Variants in DPYD observed in about 807,000 individuals in gnomAD.
The protein encoded by DPYD is dihydropyrimidine dehydrogenase [NADP(+)].
A neutral mutation model predicts 116.2 loss-of-function variants in DPYD; 109 were observed. The observed-to-expected ratio is 0.94, with a 90% CI of 0.80 to 1.10. The LOEUF (loss-of-function observed/expected upper bound fraction) is 1.10, where lower values mean the gene tolerates loss of function less well. DPYD is among the 50% of genes least tolerant of loss of function. The pLI is 0.00. For missense variants in DPYD, 1,302 were observed against 1,254.5 expected, an observed-to-expected ratio of 1.04 and a Z score of -0.57; for synonymous variants, 440 against 432.0, an observed-to-expected ratio of 1.02 and a Z score of -0.23.
chr1:97,402,028 T>C (rs1170561248), intron 14 of DPYD, among the ~76,000 whole-genome samples: 1 of 152,162 alleles, frequency 6.6e-6, no homozygotes, highest in Non-Finnish European at 1.5e-5. Context: ...TACTGTAGCT[T>C]TATAGTAAGT....
At chr1:97,505,462 A>T (rs1647256792) in intron 13 of DPYD, among the ~76,000 whole-genome samples, 1 of 151,722 alleles carries the variant, frequency 6.6e-6, no homozygotes, top group African/African-American at 2.4e-5. Flanking sequence ...AAAATAAAAT[A>T]TTGAAAATAA....
intron 2 of DPYD, among the ~76,000 whole-genome samples, chr1:97,865,048 CAGA>C: frequency 6.6e-6 from 1 of 151,670 alleles, no homozygotes; most frequent in East Asian, 1.9e-4. Flanking sequence ...AATATTGCTG[CAGA>C]AGGAGAGGGA....
chr1:97,521,306 A>C (rs146752206), intron 12 of DPYD, among the ~76,000 whole-genome samples: 2 of 152,290 alleles, frequency 1.3e-5, no homozygotes, highest in African/African-American at 4.8e-5. Flanking sequence ...GTGAACTCCT[A>C]TTCACAATTG....
At chr1:97,266,131 G>T (rs12044501) in intron 18 of DPYD, among the ~76,000 whole-genome samples, 9,313 of 152,140 alleles carry the variant, frequency 0.061, 656 homozygotes, top group African/African-American at 0.16. Context: ...ACAATAATTA[G>T]CTCATAATAT....
rs1400461278 is a variant in DPYD at position 97,747,694 on chromosome 1, A to C, written c.234-7215T>G. Among the ~76,000 whole-genome samples the C allele has an allele frequency of 2.0e-5, 3 of 152,190 alleles. No homozygotes were observed. In the East Asian group the frequency reaches 5.8e-4, roughly 29 times the overall value. ...TGCATGGACCCAGACTTTCGTGTATACTAATATTAAGTGCTCAAATGTGCT... is the reference window on the plus strand; with the variant it reads ...TGCATGGACCCAGACTTTCGTGTATCCTAATATTAAGTGCTCAAATGTGCT... On this transcript the variant is annotated intron_variant, in intron 3 of 22. Transcript: ENST00000370192.
At chr1:97,724,953 A>AGAG (rs1663152036) in intron 4 of DPYD, among the ~76,000 whole-genome samples, 78 of 118,916 alleles carry the variant, frequency 6.6e-4, no homozygotes, top group Middle Eastern at 9.2e-3. Flanking sequence ...GAGGGAAGGA[A>AGAG]AGAGAGAGAG....
intron 3 of DPYD, among the ~76,000 whole-genome samples, chr1:97,750,421 A>T (rs950733907): frequency 4.6e-5 from 7 of 152,132 alleles, no homozygotes; most frequent in African/African-American, 1.7e-4. Flanking sequence ...AAATATGTAA[A>T]CCCATCTTAG....
At chr1:97,869,120 A>C (rs17370884) in intron 2 of DPYD, among the ~76,000 whole-genome samples, 2,896 of 151,892 alleles carry the variant, frequency 0.019, 47 homozygotes, top group Non-Finnish European at 0.028. Context: ...ATTCCTGCTC[A>C]AACAGCCCAG....
At chr1:97,280,159 A>G (rs1027397964) in intron 18 of DPYD, 7 of 152,136 alleles carry the variant, frequency 4.6e-5, no homozygotes, top group African/African-American at 9.7e-5. Context: ...AATATCTCAC[A>G]CTTAAAAACT....
chr1:97,330,973 T>A (rs373814926), intron 16 of DPYD, among the ~76,000 whole-genome samples: 1 of 152,188 alleles, frequency 6.6e-6, no homozygotes, highest in South Asian at 2.1e-4. Context: ...ATTACTTAGA[T>A]AAAACTTTTT....
chr1:97,333,016 G>T (rs1427942164), intron 16 of DPYD, among the ~76,000 whole-genome samples: 2 of 149,498 alleles, frequency 1.3e-5, no homozygotes, highest in African/African-American at 4.9e-5. Context: ...TTAATTTTGT[G>T]AAGTTTTATT....
intron 8 of DPYD, among the ~76,000 whole-genome samples, chr1:97,653,241 G>A (rs1658695980): frequency 6.6e-6 from 1 of 151,130 alleles, no homozygotes; most frequent in South Asian, 2.1e-4. Flanking sequence ...ATCATTAAAT[G>A]AAAGAATGGA....
At chr1:97,380,057 C>A (rs1671858687) in intron 15 of DPYD, among the ~76,000 whole-genome samples, 1 of 152,138 alleles carries the variant, frequency 6.6e-6, no homozygotes, top group East Asian at 1.9e-4. Flanking sequence ...AAAGCTTTTT[C>A]ACATTAACTT....
chr1:97,654,277 A>G (rs568524402), intron 8 of DPYD, among the ~76,000 whole-genome samples: 27 of 152,344 alleles, frequency 1.8e-4, no homozygotes, highest in African/African-American at 6.5e-4. Flanking sequence ...GCATTGAAGT[A>G]AAATGAAATT....
intron 8 of DPYD, among the ~76,000 whole-genome samples, chr1:97,650,949 A>G (rs933273022): frequency 4.6e-5 from 7 of 152,072 alleles, no homozygotes; most frequent in African/African-American, 1.7e-4. Flanking sequence ...ATGTCACCTA[A>G]CTAAAAATTG....
intron 5 of DPYD, among the ~76,000 whole-genome samples, chr1:97,717,356 C>T (rs1662670719): frequency 6.6e-6 from 1 of 152,048 alleles, no homozygotes; most frequent in Admixed American, 6.6e-5. Flanking sequence ...ACAGATACCT[C>T]TTTTCTGAAT....
chr1:97,711,716 TATAA>T lies in DPYD; in HGVS notation c.483+9790_483+9793del, dbSNP rs201522099. Among the ~76,000 whole-genome samples the T allele has an allele frequency of 1.4e-4, 22 of 152,150 alleles. No individual in the cohort carries two copies. In the East Asian group the frequency reaches 3.7e-3, roughly 25 times the overall value. On this transcript the variant is annotated intron_variant, in intron 5 of 22. Coordinates refer to ENST00000370192, the MANE Select transcript of DPYD (RefSeq NM_000110.4). Reference sequence around the variant, plus strand: ...TTGAGTAAATTTATGTTGTCATGTGTATAAATGTTTATGAATATTACATCTTTTA... The same window carrying T: ...TTGAGTAAATTTATGTTGTCATGTGTATGTTTATGAATATTACATCTTTTA...
intron 8 of DPYD, among the ~76,000 whole-genome samples, chr1:97,601,285 G>A (rs892392570): frequency 2.0e-5 from 3 of 151,966 alleles, no homozygotes; most frequent in Non-Finnish European, 2.9e-5. Context: ...ACATTAAAAT[G>A]TAAGTCATTA....
chr1:97,464,076 T>TA (rs35475712), intron 13 of DPYD, among the ~76,000 whole-genome samples: 1 of 151,742 alleles, frequency 6.6e-6, no homozygotes, highest in Admixed American at 6.6e-5. Context: ...CTGTCTCTAC[T>TA]AAAAATACAA....
Sources: gnomAD v4.1 joint callset for allele counts (sites outside exome capture counted in the v4.1 genomes callset) on GRCh38, gnomAD v4.1.1 for gene constraint, MANE v1.5 for transcripts, NCBI Gene and HGNC (gene_info 2026-07-23, HGNC 2026-07-21) for gene names.